Variants in PLXNA4 observed in about 807,000 individuals in gnomAD.
PLXNA4 encodes the protein plexin A4, also known as plexin-A4.
In PLXNA4, 44 loss-of-function variants were observed where a neutral mutation model predicts 191.8. The ratio of observed to expected loss-of-function variants is 0.23; its 90% confidence interval spans 0.18 to 0.29. The LOEUF (loss-of-function observed/expected upper bound fraction) is 0.29, where lower values mean the gene tolerates loss of function less well. Among genes scored for constraint, PLXNA4 ranks in the 10% least tolerant of loss-of-function variants. PLXNA4 has a pLI of 1.00. For synonymous variants in PLXNA4, 1,082 were observed against 1,009.5 expected (o/e 1.07, Z -1.36); for missense variants, 1,800 against 2,488.8 (o/e 0.72, Z 5.89).
chr7:132,602,023 A>C (rs1047968644), intron 2 of PLXNA4, among the ~76,000 whole-genome samples: 1 of 152,332 alleles, frequency 6.6e-6, no homozygotes. Flanking sequence ...CCCAGTCCCA[A>C]AGGTTTTTAC....
At chr7:132,419,794 A>G (rs566932091) in intron 3 of PLXNA4, among the ~76,000 whole-genome samples, 1 of 152,372 alleles carries the variant, frequency 6.6e-6, no homozygotes, top group Non-Finnish European at 1.5e-5. Context: ...TTTCCGTTGC[A>G]GCATGACAGC....
intron 2 of PLXNA4, among the ~76,000 whole-genome samples, chr7:132,505,737 A>G (rs925173198): frequency 4.6e-5 from 7 of 152,124 alleles, no homozygotes; most frequent in Non-Finnish European, 8.8e-5. Context: ...CCTTCTCAAC[A>G]CCAACATTCT....
Position 132,457,409 on chromosome 7 carries a change from G to T in PLXNA4, c.1371+31883C>A, listed in dbSNP as rs186824831. Among the ~76,000 whole-genome samples the T allele has an allele frequency of 3.3e-3, 503 of 152,268 alleles. 2 individuals carry two copies. The highest frequency in any genetic ancestry group is 5.2e-3 in the Admixed American group (80 of 15,282). On this transcript the variant is annotated intron_variant, in intron 3 of 31. Transcript: ENST00000321063. ...CTCCTTTAAGCACATGTCCCCCATT[G>T]CATCCATCAACCTTCCCTCACAATG...
chr7:132,435,620 A>C (rs1371685374), intron 3 of PLXNA4, among the ~76,000 whole-genome samples: 1 of 152,180 alleles, frequency 6.6e-6, no homozygotes, highest in African/African-American at 2.4e-5. Context: ...ACAGCCGGAC[A>C]TCCGGGGGGT....
chr7:132,402,356 G>A (rs1368633220), intron 3 of PLXNA4, among the ~76,000 whole-genome samples: 1 of 152,148 alleles, frequency 6.6e-6, no homozygotes, highest in African/African-American at 2.4e-5. Flanking sequence ...GTAACTTGGG[G>A]CACTCACCTA....
At chr7:132,198,999 C>A (rs1421883206) in intron 12 of PLXNA4, among the ~76,000 whole-genome samples, 1 of 152,150 alleles carries the variant, frequency 6.6e-6, no homozygotes, top group Non-Finnish European at 1.5e-5. Context: ...AATAAAAACC[C>A]CTCCTATCCA....
chr7:132,563,512 TCCTGCTGCTC>T (rs1801478841), intron 1 of PLXNA4, among the ~76,000 whole-genome samples: 1 of 44,408 alleles, frequency 2.3e-5, no homozygotes, highest in Non-Finnish European at 7.6e-5. Context: ...CTCCTCCTCC[TCCTGCTGCTC>T]CTCCTCCTCT....
chr7:132,385,477 C>A (rs1355265633), intron 3 of PLXNA4, among the ~76,000 whole-genome samples: 1 of 152,144 alleles, frequency 6.6e-6, no homozygotes, highest in African/African-American at 2.4e-5. Context: ...CTAACAAGGC[C>A]ACAGTTGAAG....
chr7:132,560,698 G>A (rs544105150), intron 1 of PLXNA4, among the ~76,000 whole-genome samples: 95 of 152,022 alleles, frequency 6.2e-4, no homozygotes, highest in Non-Finnish European at 1.1e-3. Context: ...CCACTCCCCC[G>A]ACAGCCTGCC....
chr7:132,506,468 G>A (rs1459530094), intron 2 of PLXNA4, among the ~76,000 whole-genome samples: 3 of 152,172 alleles, frequency 2.0e-5, no homozygotes, highest in African/African-American at 7.2e-5. Context: ...GAGAATTGAT[G>A]TTCTCAGACT....
chr7:132,530,038 G>A (rs1485003055), intron 1 of PLXNA4, among the ~76,000 whole-genome samples: 2 of 152,132 alleles, frequency 1.3e-5, no homozygotes, highest in Non-Finnish European at 2.9e-5. Flanking sequence ...CAGGGCCCTT[G>A]GGGTCTGATC....
At position 132,218,233 on chromosome 7, in the gene PLXNA4, G is replaced by T. The variant is rs1400518548; in HGVS notation, c.2097+5294C>A. Among the ~76,000 whole-genome samples the T allele has an allele frequency of 2.6e-5, 4 of 152,246 alleles. No homozygotes were observed. The East Asian group carries it at 7.8e-4, about 30-fold the overall frequency. ...CATCCTGGCTCTGAATTTCTTTTCA[G>T]GGGTGTTGGGGTATTAGGGGATGTT... On this transcript the variant is annotated intron_variant, in intron 9 of 31. Transcript: ENST00000321063.
chr7:132,413,221 C>T (rs1050112442), intron 3 of PLXNA4, among the ~76,000 whole-genome samples: 1 of 152,152 alleles, frequency 6.6e-6, no homozygotes, highest in Non-Finnish European at 1.5e-5. Context: ...CCTCCGGACT[C>T]GCTGCACAGG....
At chr7:132,137,722 G>A (rs1348326820) in intron 30 of PLXNA4, among the ~76,000 whole-genome samples, 1 of 150,364 alleles carries the variant, frequency 6.7e-6, no homozygotes, top group Admixed American at 6.6e-5. Flanking sequence ...ATGGTGGGAG[G>A]GAGGACAGGT....
At chr7:132,552,646 G>A (rs562969000) in intron 1 of PLXNA4, among the ~76,000 whole-genome samples, 10 of 152,310 alleles carry the variant, frequency 6.6e-5, no homozygotes, top group African/African-American at 1.4e-4. Context: ...CTGATTACCC[G>A]AGCCGCTGCT....
Position 132,362,397 on chromosome 7 carries a change from A to C in PLXNA4, c.1372-64175T>G, listed in dbSNP as rs78312901. ...TAGCCCCCTTGCTCTCCAAAGAGGA[A>C]CACACGCTTTCTATGCATCTTCAAA... On this transcript the variant is annotated intron_variant, in intron 3 of 31. Transcript: ENST00000321063. 5.5e-3 allele frequency among the ~76,000 whole-genome samples: 834 copies of C among 152,352 alleles called. 6 individuals are homozygous for C. The highest frequency in any genetic ancestry group is 0.02 in the African/African-American group (813 of 41,588).
chr7:132,257,426 C>T (rs548424512), intron 4 of PLXNA4, among the ~76,000 whole-genome samples: 49 of 152,332 alleles, frequency 3.2e-4, no homozygotes, highest in Admixed American at 2.1e-3. Flanking sequence ...TCTAGACAAT[C>T]GCTCAGTGTG....
At chr7:132,528,697 C>G (rs562440895) in intron 1 of PLXNA4, among the ~76,000 whole-genome samples, 51 of 152,330 alleles carry the variant, frequency 3.3e-4, no homozygotes, top group African/African-American at 1.2e-3. Context: ...GGAACTGTGG[C>G]AGACTTCTTG....
At chr7:132,330,414 C>A (rs965586464) in intron 3 of PLXNA4, among the ~76,000 whole-genome samples, 2 of 152,136 alleles carry the variant, frequency 1.3e-5, no homozygotes, top group Non-Finnish European at 2.9e-5. Flanking sequence ...AAAATATAAC[C>A]CGCTCACCAG....
Sources: gnomAD v4.1 joint callset for allele counts (sites outside exome capture counted in the v4.1 genomes callset) on GRCh38, gnomAD v4.1.1 for gene constraint, MANE v1.5 for transcripts, NCBI Gene and HGNC (gene_info 2026-07-23, HGNC 2026-07-21) for gene names.